The following CDK17 variants were observed in gnomAD, a reference collection of about 807,000 sequenced individuals.
CDK17 encodes cyclin-dependent kinase 17.
Under a neutral mutation model 77.6 loss-of-function variants are expected in CDK17, and 24 were observed. The observed-to-expected ratio is 0.31, with a 90% confidence interval of 0.22 to 0.44. The LOEUF (loss-of-function observed/expected upper bound fraction) is 0.44. Among genes scored for constraint, CDK17 ranks in the 20% least tolerant of loss-of-function variants. The pLI, the probability that CDK17 is intolerant of heterozygous loss-of-function variation, is 1.00. For missense variants in CDK17, 429 were observed against 622.5 expected (o/e 0.69, Z 3.31); for synonymous variants, 203 against 210.4 (o/e 0.96, Z 0.30).
At chr12:96,304,419 C>T (rs1952550705) in intron 5 of CDK17, among the ~76,000 whole-genome samples, 1 of 152,138 alleles carries the variant, frequency 6.6e-6, no homozygotes, top group South Asian at 2.1e-4. Flanking sequence ...TACCTATAAT[C>T]CCAGCTACTC....
chr12:96,308,308 G>A (rs1380672826), intron 5 of CDK17, among the ~76,000 whole-genome samples: 2 of 151,380 alleles, frequency 1.3e-5, no homozygotes, highest in African/African-American at 4.9e-5. Flanking sequence ...CTACTCAGGA[G>A]CCTGACATGT....
intron 1 of CDK17, among the ~76,000 whole-genome samples, chr12:96,336,448 G>C (rs1288512964): frequency 6.6e-6 from 1 of 152,110 alleles, no homozygotes; most frequent in African/African-American, 2.4e-5. Context: ...CTGAGTGACA[G>C]AATAAGATGC....
chr12:96,383,359 G>A (rs991746223), intron 1 of CDK17, among the ~76,000 whole-genome samples: 1 of 147,414 alleles, frequency 6.8e-6, no homozygotes. Context: ...CGGATTCAAT[G>A]CTATTCCTAT....
intron 10 of CDK17, among the ~76,000 whole-genome samples, chr12:96,292,761 T>C (rs1952342982): frequency 6.6e-6 from 1 of 152,132 alleles, no homozygotes; most frequent in Non-Finnish European, 1.5e-5. Flanking sequence ...TCTACAAAGT[T>C]CCTTCAATAT....
At chr12:96,336,072 C>T (rs9971899) in intron 1 of CDK17, among the ~76,000 whole-genome samples, 67,312 of 151,930 alleles carry the variant, frequency 0.44, 15,194 homozygotes, top group East Asian at 0.58. Flanking sequence ...ATATTAGTTA[C>T]AGAATAATTT....
chr12:96,372,639 G>GA (rs368646534), intron 1 of CDK17, among the ~76,000 whole-genome samples: 38 of 151,182 alleles, frequency 2.5e-4, no homozygotes, highest in African/African-American at 9.0e-4. Flanking sequence ...ATAATCAACT[G>GA]AAAAAAAATA....
Position 96,286,168 on chromosome 12 carries a change from T to A in CDK17, c.1217-20A>T. ...GAGTTCCTGAATTAAAAAAAAAAAT[T>A]AAATATATTTATAAATATATATAAA... is the stretch of plus-strand genomic sequence containing the variant. On this transcript the variant is annotated intron_variant, in intron 12 of 16. Transcript: ENST00000261211. 9.0e-6 allele frequency: 6 copies of A among 666,166 alleles called. No individual in the cohort carries two copies. Among genetic ancestry groups the A allele is most frequent in the African/African-American group, 2.0e-5 (1 of 51,246 alleles). The allele number at this position is 666,166 out of a possible 1,614,324, so 41.3% of individuals were successfully genotyped here.
intron 1 of CDK17, among the ~76,000 whole-genome samples, chr12:96,381,730 G>A (rs1302970218): frequency 6.6e-6 from 1 of 151,302 alleles, no homozygotes; most frequent in Non-Finnish European, 1.5e-5. Flanking sequence ...AAGCTGGAAT[G>A]AATATAAAAA....
At chr12:96,284,019 A>G (rs796135220) in intron 13 of CDK17, among the ~76,000 whole-genome samples, 11 of 152,376 alleles carry the variant, frequency 7.2e-5, no homozygotes, top group African/African-American at 2.4e-4. Context: ...CCTATTATAT[A>G]GGTGAAAACA....
intron 5 of CDK17, among the ~76,000 whole-genome samples, chr12:96,310,239 T>C (rs1437002251): frequency 1.3e-5 from 2 of 152,080 alleles, no homozygotes; most frequent in African/African-American, 2.4e-5. Context: ...ATACATACTG[T>C]ATAACTTCCA....
chr12:96,367,738 T>A (rs533887632), intron 1 of CDK17, among the ~76,000 whole-genome samples: 1 of 151,758 alleles, frequency 6.6e-6, no homozygotes, highest in South Asian at 2.1e-4. Flanking sequence ...ATTAATGAGC[T>A]GGGCACAGTG....
At chr12:96,297,414 T>C in intron 8 of CDK17, 82 bp from the exon 9 acceptor site, 3 of 955,172 alleles carry the variant, frequency 3.1e-6, no homozygotes. Context: ...TTTTTCAAAA[T>C]TAGTTGTTTT....
intron 2 of CDK17, among the ~76,000 whole-genome samples, chr12:96,330,679 T>C (rs1565822762): frequency 6.6e-6 from 1 of 152,252 alleles, no homozygotes; most frequent in Non-Finnish European, 1.5e-5. Flanking sequence ...AGCACATAGC[T>C]CTTCATTCAT....
chr12:96,278,837 A>G lies in CDK17; in HGVS notation c.*1405T>C, dbSNP rs912420187. 6.6e-6 allele frequency: 1 copy of G among 152,572 alleles called. No individual in the cohort carries two copies. Among genetic ancestry groups the G allele is most frequent in the Non-Finnish European group, 1.5e-5 (1 of 67,982 alleles). The allele number at this position is 152,572 out of a possible 1,614,324, so 9.5% of individuals were successfully genotyped here. A position where few individuals can be genotyped will look rare whatever the true frequency, so the allele number is the denominator to read the frequency against. On this transcript the variant is annotated 3_prime_UTR_variant, in exon 17 of 17. Transcript: ENST00000261211. Reference sequence around the variant, plus strand: ...ATAACACCCCAAACATGCCACAATCACTATTCACAAATAAAGTTAAAATGA... The same window carrying G: ...ATAACACCCCAAACATGCCACAATCGCTATTCACAAATAAAGTTAAAATGA...
intron 1 of CDK17, among the ~76,000 whole-genome samples, chr12:96,377,759 T>C: frequency 6.7e-6 from 1 of 148,844 alleles, no homozygotes; most frequent in Non-Finnish European, 1.5e-5. Context: ...AGTGGTGCGA[T>C]CTCGGCTCAC....
chr12:96,360,168 A>C (rs1006234442), intron 1 of CDK17, among the ~76,000 whole-genome samples: 4 of 152,198 alleles, frequency 2.6e-5, no homozygotes, highest in Non-Finnish European at 5.9e-5. Context: ...AATATCTAGA[A>C]GTCTTGGAAA....
intron 14 of CDK17, 129 bp downstream of exon 14, chr12:96,283,474 A>G (rs1952204813): frequency 1.5e-6 from 1 of 674,728 alleles, no homozygotes; most frequent in South Asian, 1.7e-5. Context: ...TAACTTAAAC[A>G]TGTGCCTTAA....
intron 1 of CDK17, among the ~76,000 whole-genome samples, chr12:96,386,441 A>G (rs565988371): frequency 6.6e-6 from 1 of 152,228 alleles, no homozygotes; most frequent in African/African-American, 2.4e-5. Flanking sequence ...TTGAGCCCAG[A>G]AGTTTGAGAC....
intron 15 of CDK17, 112 bp downstream of exon 15, chr12:96,282,397 G>C (rs1455039435): frequency 1.5e-6 from 1 of 665,724 alleles, no homozygotes. Flanking sequence ...TAACTATAGA[G>C]AAGACTAGAA....
Sources: gnomAD v4.1 joint callset for allele counts (sites outside exome capture counted in the v4.1 genomes callset) on GRCh38, gnomAD v4.1.1 for gene constraint, MANE v1.5 for transcripts, NCBI Gene and HGNC (gene_info 2026-07-23, HGNC 2026-07-21) for gene names.